Variants in ST6GALNAC3 observed in about 807,000 individuals in gnomAD.
ST6GALNAC3 encodes the protein ST6 N-acetylgalactosaminide alpha-2,6-sialyltransferase 3, also known as alpha-N-acetylgalactosaminide alpha-2,6-sialyltransferase 3.
In ST6GALNAC3, 25 loss-of-function variants were observed where a neutral mutation model predicts 32.7. The ratio of observed to expected loss-of-function variants is 0.76; its 90% CI spans 0.56 to 1.07. ST6GALNAC3 has a LOEUF of 1.07. Ranked by LOEUF, ST6GALNAC3 falls within the 50% of genes least tolerant of loss-of-function variation. ST6GALNAC3 has a pLI of 0.00. For synonymous variants in ST6GALNAC3, 129 were observed against 133.1 expected (o/e 0.97, Z 0.21); for missense variants, 355 against 382.4 (o/e 0.93, Z 0.60).
chr1:76,597,212 A>G (rs1647151538), intron 3 of ST6GALNAC3, among the ~76,000 whole-genome samples: 1 of 152,156 alleles, frequency 6.6e-6, no homozygotes. Context: ...GAGGAATTCC[A>G]CTTTTACTAA....
intron 3 of ST6GALNAC3, among the ~76,000 whole-genome samples, chr1:76,535,054 G>A (rs7541103): frequency 0.84 from 127,855 of 152,156 alleles, 54,641 homozygotes; most frequent in East Asian, 0.99. Flanking sequence ...AATCTTCAAT[G>A]TAAAATCATC....
chr1:76,304,333 T>G (rs1394180294), intron 1 of ST6GALNAC3, among the ~76,000 whole-genome samples: 6 of 152,032 alleles, frequency 3.9e-5, no homozygotes, highest in Non-Finnish European at 7.4e-5. Context: ...CCTCCCTTCC[T>G]TTCTCCCTCC....
rs900350730 is a variant in ST6GALNAC3, at chr1:76,630,970, TA to T, written c.*2166del. ...ATCAGAATGGCTTGGGACATGAACT[TA>T]ATTTATTTAGTTTTCTAATAAATGA... On this transcript the variant is annotated 3_prime_UTR_variant, in exon 5 of 5. Transcript: ENST00000328299. The T allele has an allele frequency of 1.1e-4, 113 of 985,516 alleles. No homozygotes were observed. In the African/African-American group the frequency reaches 1.8e-3, roughly 16 times the overall value. The allele number at this position is 985,516 out of a possible 1,614,324, so 61.0% of individuals were successfully genotyped here.
intron 1 of ST6GALNAC3, among the ~76,000 whole-genome samples, chr1:76,130,114 T>C (rs923871775): frequency 2.2e-4 from 33 of 152,326 alleles, no homozygotes; most frequent in African/African-American, 7.7e-4. Flanking sequence ...GTGTTCTTAT[T>C]TAAGAGGCAC....
intron 1 of ST6GALNAC3, among the ~76,000 whole-genome samples, chr1:76,225,784 T>C (rs1656032111): frequency 6.6e-6 from 1 of 152,104 alleles, no homozygotes; most frequent in South Asian, 2.1e-4. Flanking sequence ...AGGCAATGAG[T>C]GTTGTATGGG....
chr1:76,105,680 T>C (rs1029659463), intron 1 of ST6GALNAC3, among the ~76,000 whole-genome samples: 1 of 152,218 alleles, frequency 6.6e-6, no homozygotes, highest in African/African-American at 2.4e-5. Flanking sequence ...TACAATGTGG[T>C]ATTAAGACAT....
At chr1:76,361,996 G>GAGAA (rs1649996932) in intron 2 of ST6GALNAC3, among the ~76,000 whole-genome samples, 1 of 88,948 alleles carries the variant, frequency 1.1e-5, no homozygotes, top group African/African-American at 4.3e-5. Context: ...AAAAAAAAGA[G>GAGAA]AGAAAGAAAG....
chr1:76,571,952 C>G (rs947434868), intron 3 of ST6GALNAC3, among the ~76,000 whole-genome samples: 13 of 151,894 alleles, frequency 8.6e-5, no homozygotes, highest in Admixed American at 6.6e-5. Flanking sequence ...AAATTATTGC[C>G]CTTTTGAGAA....
At position 76,381,187 on chromosome 1, in the gene ST6GALNAC3, GAA is replaced by G. The variant is rs71588872; in HGVS notation, c.214-30811_214-30810del. On this transcript the variant is annotated intron_variant, in intron 2 of 4. Coordinates refer to ENST00000328299, the MANE Select transcript of ST6GALNAC3 (RefSeq NM_152996.4). ...GGCTGCTAAAAAAAAAAAAAAAAAA[GAA>G]AAAAAAAAAGACCACTTCTTTAGAG... Among the ~76,000 whole-genome samples, 626 of 121,246 alleles carry G rather than the reference GAA, an allele frequency of 5.2e-3. 3 individuals carry two copies. Among genetic ancestry groups the G allele is most frequent in the African/African-American group, 0.018 (581 of 31,424 alleles). 79.5% of individuals were successfully genotyped at this position (121,246 alleles called of 152,430 possible). A position where few individuals can be genotyped will look rare whatever the true frequency, so the allele number is the denominator to read the frequency against.
chr1:76,229,886 AG>A (rs1037565301), intron 1 of ST6GALNAC3, among the ~76,000 whole-genome samples: 1 of 152,194 alleles, frequency 6.6e-6, no homozygotes, highest in Non-Finnish European at 1.5e-5. Flanking sequence ...CCCAGTAGGG[AG>A]GAGCAGAGGG....
chr1:76,433,951 A>C (rs957977117), intron 3 of ST6GALNAC3, among the ~76,000 whole-genome samples: 4 of 152,140 alleles, frequency 2.6e-5, no homozygotes, highest in Non-Finnish European at 2.9e-5. Flanking sequence ...CTTTTTATCT[A>C]TTTATTCATT....
At position 76,523,242 on chromosome 1, in the gene ST6GALNAC3, T is replaced by C. The variant is rs891628199; in HGVS notation, c.624-104210T>C. On this transcript the variant is annotated intron_variant, in intron 3 of 4. Transcript: ENST00000328299. ...TCTGATAAAATTCTCCAACATTTTA[T>C]CTTTTTGCTGTATAATTTATCTATT... is the stretch of plus-strand genomic sequence containing the variant. 2.0e-5 allele frequency among the ~76,000 whole-genome samples: 3 copies of C among 152,198 alleles called. No individual in the cohort carries two copies. In the East Asian group the frequency reaches 5.8e-4, roughly 29 times the overall value.
chr1:76,115,230 G>A (rs1475594990), intron 1 of ST6GALNAC3, among the ~76,000 whole-genome samples: 1 of 152,124 alleles, frequency 6.6e-6, no homozygotes, highest in East Asian at 1.9e-4. Context: ...GTGGAAATCT[G>A]GCTCTCGGAG....
intron 1 of ST6GALNAC3, among the ~76,000 whole-genome samples, chr1:76,136,128 T>C (rs1385622945): frequency 1.3e-5 from 2 of 152,236 alleles, no homozygotes; most frequent in Non-Finnish European, 2.9e-5. Context: ...TTTAGAAGTT[T>C]ATACTCTTCA....
At chr1:76,611,498 T>C (rs572740854) in intron 3 of ST6GALNAC3, among the ~76,000 whole-genome samples, 1 of 151,994 alleles carries the variant, frequency 6.6e-6, no homozygotes, top group South Asian at 2.1e-4. Flanking sequence ...TAGAGGAAAA[T>C]AGTGGTGATC....
rs538148573 is a variant in ST6GALNAC3, at chr1:76,196,553, C to G, written c.19-117252C>G. On this transcript the variant is annotated intron_variant, in intron 1 of 4. Transcript: ENST00000328299. Reference sequence around the variant, plus strand: ...CGATCTCGGCTCACTGCAGCCTCCTCCTCCCGGGTTCAAGCGATTCTCCCA... The same window carrying G: ...CGATCTCGGCTCACTGCAGCCTCCTGCTCCCGGGTTCAAGCGATTCTCCCA... 2.0e-5 allele frequency among the ~76,000 whole-genome samples: 3 copies of G among 151,982 alleles called. No individual in the cohort carries two copies. The East Asian group carries it at 5.8e-4, about 29-fold the overall frequency.
At chr1:76,215,718 A>G (rs900169824) in intron 1 of ST6GALNAC3, among the ~76,000 whole-genome samples, 5 of 152,218 alleles carry the variant, frequency 3.3e-5, no homozygotes, top group Admixed American at 3.3e-4. Context: ...TGAAGAAAAC[A>G]AAAAGTTTGT....
intron 1 of ST6GALNAC3, among the ~76,000 whole-genome samples, chr1:76,099,912 T>C (rs1345174502): frequency 1.3e-5 from 2 of 152,204 alleles, no homozygotes; most frequent in Non-Finnish European, 2.9e-5. Flanking sequence ...CCAAGTACTA[T>C]TGCATTTCAA....
At chr1:76,237,620 GA>G (rs953022370) in intron 1 of ST6GALNAC3, among the ~76,000 whole-genome samples, 1 of 151,974 alleles carries the variant, frequency 6.6e-6, no homozygotes. Flanking sequence ...TAAATGGAGG[GA>G]AAAAAACCCA....
Sources: gnomAD v4.1 joint callset for allele counts (sites outside exome capture counted in the v4.1 genomes callset) on GRCh38, gnomAD v4.1.1 for gene constraint, MANE v1.5 for transcripts, NCBI Gene and HGNC (gene_info 2026-07-23, HGNC 2026-07-21) for gene names.